Variants in UNC79 observed in about 807,000 individuals in gnomAD.
UNC79 encodes the protein protein unc-79 homolog.
Under a neutral mutation model 283.1 loss-of-function variants are expected in UNC79, and 37 were observed. The ratio of observed to expected loss-of-function variants is 0.13; its 90% CI spans 0.10 to 0.17. UNC79 has a LOEUF of 0.17. Ranked by LOEUF, UNC79 falls within the 10% of genes least tolerant of loss-of-function variation. The pLI is 1.00. For synonymous variants in UNC79, 1,107 were observed against 1,200.2 expected (o/e 0.92, Z 1.61); for missense variants, 2,272 against 3,211.1 (o/e 0.71, Z 7.07).
intron 25 of UNC79, among the ~76,000 whole-genome samples, chr14:93,602,187 T>C: frequency 6.6e-6 from 1 of 152,232 alleles, no homozygotes; most frequent in East Asian, 1.9e-4. Flanking sequence ...TAAGTCAATG[T>C]CTAGAAGAGT....
chr14:93,588,262 A>G (rs2064357015), intron 22 of UNC79, among the ~76,000 whole-genome samples: 2 of 152,152 alleles, frequency 1.3e-5, no homozygotes. Context: ...TAGAATGAGT[A>G]TGGAGAAAAG....
chr14:93,499,108 G>T (rs1043234479), intron 7 of UNC79, among the ~76,000 whole-genome samples: 2 of 152,110 alleles, frequency 1.3e-5, no homozygotes, highest in African/African-American at 4.8e-5. Context: ...TTGGGCTTTT[G>T]GTGGCCCTTG....
At chr14:93,466,810 A>C in intron 1 of UNC79, 1 of 976,286 alleles carries the variant, frequency 1.0e-6, no homozygotes, top group Non-Finnish European at 1.2e-6. Context: ...GCTCCTTGGG[A>C]TTTGCAAAGA....
intron 9 of UNC79, among the ~76,000 whole-genome samples, chr14:93,528,921 A>T (rs1567056022): frequency 1.3e-5 from 2 of 152,208 alleles, no homozygotes; most frequent in African/African-American, 4.8e-5. Context: ...TAAAAAGGCC[A>T]CAGAGAAAAA....
chr14:93,351,880 G>A (rs1036552174), intron 1 of UNC79, among the ~76,000 whole-genome samples: 2 of 152,116 alleles, frequency 1.3e-5, no homozygotes, highest in Non-Finnish European at 2.9e-5. Flanking sequence ...CCGACTGATT[G>A]GATGAGGTCC....
intron 1 of UNC79, among the ~76,000 whole-genome samples, chr14:93,450,926 CTTTTA>C (rs1463487673): frequency 1.3e-5 from 2 of 152,024 alleles, no homozygotes; most frequent in Non-Finnish European, 2.9e-5. Context: ...TGTCATTTCT[CTTTTA>C]TTTTGTCTTT....
intron 7 of UNC79, among the ~76,000 whole-genome samples, chr14:93,498,521 G>T (rs1009927097): frequency 6.6e-6 from 1 of 152,022 alleles, no homozygotes; most frequent in African/African-American, 2.4e-5. Flanking sequence ...AACCTAGGAG[G>T]CAGAGGCTGT....
At chr14:93,418,243 G>T (rs967976982) in intron 1 of UNC79, among the ~76,000 whole-genome samples, 13 of 151,740 alleles carry the variant, frequency 8.6e-5, no homozygotes, top group Non-Finnish European at 1.3e-4. Flanking sequence ...TAACAGACAG[G>T]ACCCTCAGCT....
chr14:93,630,985 C>A, intron 31 of UNC79, 77 bp downstream of exon 33: 2 of 1,319,992 alleles, frequency 1.5e-6, no homozygotes, highest in Admixed American at 1.8e-5. Flanking sequence ...TTCAATTTTC[C>A]CAATCTTGGT....
chr14:93,615,852 C>A (rs2066686126), intron 27 of UNC79, among the ~76,000 whole-genome samples: 1 of 150,316 alleles, frequency 6.7e-6, no homozygotes, highest in Non-Finnish European at 1.5e-5. Flanking sequence ...TCAAAAATAA[C>A]TCCCTAACAT....
chr14:93,645,250 G>A (rs1446485548), intron 34 of UNC79, among the ~76,000 whole-genome samples: 2 of 152,182 alleles, frequency 1.3e-5, no homozygotes, highest in African/African-American at 2.4e-5. Context: ...AACAATATGT[G>A]TTCAAACATT....
chr14:93,369,433 A>G (rs576895443), intron 1 of UNC79, among the ~76,000 whole-genome samples: 7 of 152,230 alleles, frequency 4.6e-5, no homozygotes, highest in Non-Finnish European at 1.0e-4. Flanking sequence ...GAAAAAATCA[A>G]TAACTCTTCT....
intron 1 of UNC79, among the ~76,000 whole-genome samples, chr14:93,415,317 A>G (rs908976348): frequency 3.9e-5 from 6 of 152,356 alleles, no homozygotes; most frequent in Admixed American, 2.0e-4. Flanking sequence ...ATGCTGGATT[A>G]CATGTATTGA....
intron 1 of UNC79, among the ~76,000 whole-genome samples, chr14:93,436,411 T>C (rs1381765503): frequency 3.9e-5 from 6 of 152,184 alleles, no homozygotes. Flanking sequence ...ATTAGCTAAA[T>C]TTTCCTTTTA....
chr14:93,346,909 G>T (rs984715746), intron 1 of UNC79, among the ~76,000 whole-genome samples: 19 of 152,040 alleles, frequency 1.2e-4, no homozygotes, highest in Admixed American at 1.2e-3. Context: ...GTTGCAGGGA[G>T]CCCTGAGTGG....
At chr14:93,532,977 A>G (rs1417495610) in intron 11 of UNC79, among the ~76,000 whole-genome samples, 2 of 152,218 alleles carry the variant, frequency 1.3e-5, no homozygotes, top group East Asian at 3.8e-4. Context: ...TGTATGTGTG[A>G]AAAACATACC....
At chr14:93,628,893 C>A (rs1334757478) in intron 30 of UNC79, among the ~76,000 whole-genome samples, 1 of 152,096 alleles carries the variant, frequency 6.6e-6, no homozygotes, top group Non-Finnish European at 1.5e-5. Flanking sequence ...AAAGATACAG[C>A]AAGGATTTTA....
chr14:93,549,409 TGCTGATAACTCTGAAAACACA>T (rs1455782544), intron 14 of UNC79, among the ~76,000 whole-genome samples: 1 of 152,228 alleles, frequency 6.6e-6, no homozygotes, highest in African/African-American at 2.4e-5. Flanking sequence ...TGGTACTCAA[TGCTGATAACTCTGAAAACACA>T]GCTGTTTTTA....
At chr14:93,627,007 C>G (rs2067620416) in intron 30 of UNC79, among the ~76,000 whole-genome samples, 2 of 152,160 alleles carry the variant, frequency 1.3e-5, no homozygotes, top group South Asian at 4.1e-4. Flanking sequence ...TATGATTGCA[C>G]TTGTGAATAG....
Sources: gnomAD v4.1 joint callset for allele counts (sites outside exome capture counted in the v4.1 genomes callset) on GRCh38, gnomAD v4.1.1 for gene constraint, MANE v1.5 for transcripts, NCBI Gene and HGNC (gene_info 2026-07-23, HGNC 2026-07-21) for gene names.